Variants in SDCCAG8 observed in about 807,000 individuals in gnomAD.
SDCCAG8 encodes the protein SHH signaling and ciliogenesis regulator SDCCAG8.
SDCCAG8 carries 74 observed loss-of-function variants against 101.8 expected under a neutral mutation model. The observed-to-expected ratio is 0.73, with a 90% confidence interval of 0.60 to 0.88. The LOEUF (loss-of-function observed/expected upper bound fraction) is 0.88, where lower values mean the gene tolerates loss of function less well. Among genes scored for constraint, SDCCAG8 ranks in the 40% least tolerant of loss-of-function variants. SDCCAG8 has a pLI of 0.00. For missense variants in SDCCAG8, 787 were observed against 822.6 expected, an observed-to-expected ratio of 0.96 and a Z score of 0.53; for synonymous variants, 281 against 292.9, an observed-to-expected ratio of 0.96 and a Z score of 0.41.
chr1:243,480,574 G>A (rs1232573648), intron 16 of SDCCAG8, among the ~76,000 whole-genome samples: 4 of 7,168 alleles, frequency 5.6e-4, no homozygotes, highest in South Asian at 6.1e-3. Context: ...GGATGGATGG[G>A]TGGGTGGGAT....
intron 4 of SDCCAG8, 142 bp from the exon 5 acceptor site, chr1:243,286,130 T>A: frequency 3.4e-6 from 3 of 891,488 alleles, no homozygotes; most frequent in Non-Finnish European, 5.3e-6. Context: ...TAGGCTGCCT[T>A]GTTTGTCTAA....
chr1:243,343,878 A>G (rs1375461539), intron 11 of SDCCAG8, among the ~76,000 whole-genome samples: 1 of 152,230 alleles, frequency 6.6e-6, no homozygotes, highest in Non-Finnish European at 1.5e-5. Context: ...TAACATTTTA[A>G]CTACTAACTT....
chr1:243,344,846 A>G (rs1053548007), intron 12 of SDCCAG8, among the ~76,000 whole-genome samples: 2 of 152,210 alleles, frequency 1.3e-5, no homozygotes, highest in African/African-American at 4.8e-5. Context: ...GTTAGTGGAT[A>G]AAAGCTGCGT....
intron 4 of SDCCAG8, among the ~76,000 whole-genome samples, chr1:243,278,428 C>T (rs2068757272): frequency 6.6e-6 from 1 of 152,228 alleles, no homozygotes; most frequent in Non-Finnish European, 1.5e-5. Context: ...ACTATGTTGG[C>T]CAGGCTGCTC....
At chr1:243,321,835 G>A (rs1019328141) in intron 9 of SDCCAG8, among the ~76,000 whole-genome samples, 4 of 152,174 alleles carry the variant, frequency 2.6e-5, no homozygotes, top group African/African-American at 9.7e-5. Flanking sequence ...TTTTAGTAAA[G>A]ACAGCGTTTT....
At chr1:243,476,649 T>G (rs1361253677) in intron 16 of SDCCAG8, among the ~76,000 whole-genome samples, 1 of 152,220 alleles carries the variant, frequency 6.6e-6, no homozygotes, top group African/African-American at 2.4e-5. Flanking sequence ...ATGCGTCTGA[T>G]AGTTCCATGT....
intron 13 of SDCCAG8, among the ~76,000 whole-genome samples, chr1:243,401,003 G>C (rs1328214316): frequency 6.6e-6 from 1 of 152,212 alleles, no homozygotes; most frequent in Non-Finnish European, 1.5e-5. Context: ...TGGAAGTCGG[G>C]AAGTTTAGCA....
intron 12 of SDCCAG8, among the ~76,000 whole-genome samples, chr1:243,360,328 A>G (rs1426546384): frequency 6.6e-6 from 1 of 151,056 alleles, no homozygotes; most frequent in African/African-American, 2.4e-5. Context: ...TTTTATTTGT[A>G]TTTTTAGTAG....
At chr1:243,423,498 G>T (rs1052743981) in intron 15 of SDCCAG8, among the ~76,000 whole-genome samples, 1 of 152,076 alleles carries the variant, frequency 6.6e-6, no homozygotes, top group Non-Finnish European at 1.5e-5. Context: ...TTTATTAAAT[G>T]ATTTGCGTGT....
chr1:243,359,065 C>G (rs2076548107), intron 12 of SDCCAG8, among the ~76,000 whole-genome samples: 1 of 152,122 alleles, frequency 6.6e-6, no homozygotes, highest in Non-Finnish European at 1.5e-5. Flanking sequence ...TTCCTCAGTC[C>G]TGAACTTCAT....
At chr1:243,476,593 A>T (rs1358134086) in intron 16 of SDCCAG8, among the ~76,000 whole-genome samples, 1 of 152,240 alleles carries the variant, frequency 6.6e-6, no homozygotes, top group African/African-American at 2.4e-5. Flanking sequence ...CTGAAAACAC[A>T]GCAGTGTGCC....
intron 4 of SDCCAG8, among the ~76,000 whole-genome samples, chr1:243,281,921 C>T (rs550051246): frequency 2.0e-5 from 3 of 152,250 alleles, no homozygotes; most frequent in East Asian, 1.9e-4. Context: ...GCTGGGCTTA[C>T]GAGGTGTGAG....
chr1:243,321,622 A>G (rs886686545), intron 9 of SDCCAG8, among the ~76,000 whole-genome samples: 8 of 152,094 alleles, frequency 5.3e-5, no homozygotes, highest in Non-Finnish European at 7.4e-5. Context: ...TCTTTATCCA[A>G]TCTGCCATTT....
chr1:243,345,144 G>GT (rs544884251), intron 12 of SDCCAG8, among the ~76,000 whole-genome samples: 106 of 151,906 alleles, frequency 7.0e-4, no homozygotes, highest in African/African-American at 2.5e-3. Flanking sequence ...CTCCAAATAA[G>GT]TTTTTTTTCA....
chr1:243,406,738 C>T (rs903062452), intron 13 of SDCCAG8, among the ~76,000 whole-genome samples: 3 of 152,146 alleles, frequency 2.0e-5, no homozygotes, highest in African/African-American at 7.2e-5. Flanking sequence ...ACCAACTGTG[C>T]GCTGCTGCCC....
At chr1:243,408,057 CAAT>C (rs903715962) in intron 13 of SDCCAG8, among the ~76,000 whole-genome samples, 9 of 152,022 alleles carry the variant, frequency 5.9e-5, no homozygotes, top group South Asian at 2.1e-4. Flanking sequence ...GTTTTATTTT[CAAT>C]AATAATAATA....
chr1:243,360,791 C>T (rs2076664767), intron 12 of SDCCAG8, among the ~76,000 whole-genome samples: 3 of 152,048 alleles, frequency 2.0e-5, no homozygotes, highest in African/African-American at 7.2e-5. Context: ...CACTGCACTC[C>T]AGCCTGGGCA....
chr1:243,353,490 C>CAAAAAAAAAAAAAAAAAAAAAAAAAAAA (rs542632635), intron 12 of SDCCAG8, among the ~76,000 whole-genome samples: 2 of 27,610 alleles, frequency 7.2e-5, no homozygotes, highest in African/African-American at 2.8e-4. Flanking sequence ...GATTCCATCT[C>CAAAAAAAAAAAAAAAAAAAAAAAAAAAA]AAAAAAAAAA....
At chr1:243,488,342 C>CACACAT (rs1244361525) in intron 16 of SDCCAG8, 1 of 153,418 alleles carries the variant, frequency 6.5e-6, no homozygotes, top group African/African-American at 2.4e-5. Flanking sequence ...TGAGGCAGGC[C>CACACAT]ACACATCTCG....
Sources: gnomAD v4.1 joint callset for allele counts (sites outside exome capture counted in the v4.1 genomes callset) on GRCh38, gnomAD v4.1.1 for gene constraint, MANE v1.5 for transcripts, NCBI Gene and HGNC (gene_info 2026-07-23, HGNC 2026-07-21) for gene names.